PAK1: variants seen among roughly 807,000 people sequenced by gnomAD.
The protein encoded by PAK1 is p21 (RAC1) activated kinase 1.
In PAK1, 29 loss-of-function variants were observed where a neutral mutation model predicts 67.4. The observed-to-expected ratio is 0.43, with a 90% confidence interval of 0.32 to 0.59. The LOEUF is 0.59. PAK1 is among the 20% of genes least tolerant of loss of function. The pLI is 0.07. For missense variants in PAK1, 337 were observed against 670.7 expected, an observed-to-expected ratio of 0.50 and a Z score of 5.50; for synonymous variants, 223 against 237.4, an observed-to-expected ratio of 0.94 and a Z score of 0.56.
chr11:77,349,557 C>T (rs772422250), intron 8 of PAK1: 2 of 413,560 alleles, frequency 4.8e-6, no homozygotes, highest in African/African-American at 2.0e-5. Flanking sequence ...TATTTAACTT[C>T]TTTGAGCTTC....
chr11:77,514,081 T>G, the PAK1 span, among the ~76,000 whole-genome samples: 1 of 152,182 alleles, frequency 6.6e-6, no homozygotes, highest in Admixed American at 6.5e-5. Context: ...TTTGAACCCA[T>G]AATTTGGAGA....
chr11:77,331,546 A>C (rs1366905507), intron 14 of PAK1, among the ~76,000 whole-genome samples: 1 of 152,218 alleles, frequency 6.6e-6, no homozygotes, highest in Non-Finnish European at 1.5e-5. Context: ...CAAAAAACCA[A>C]ACACTGCATG....
intron 1 of PAK1, among the ~76,000 whole-genome samples, chr11:77,446,573 G>A (rs189526021): frequency 6.0e-5 from 9 of 150,508 alleles, no homozygotes; most frequent in Admixed American, 3.3e-4. Context: ...AATAGATGAT[G>A]GAGCTAAGAT....
intron 4 of PAK1, among the ~76,000 whole-genome samples, chr11:77,377,766 T>C (rs1456160659): frequency 6.6e-6 from 1 of 152,230 alleles, no homozygotes; most frequent in African/African-American, 2.4e-5. Context: ...ACTGAGGTTT[T>C]CAAAGACAGC....
chr11:77,374,372 A>G lies in PAK1; in HGVS notation c.440-7T>C, dbSNP rs1025680253. ...TAATCCTCAGCTGACTTATCTGCAC[A>G]GGAAGAAAAACAAGGGACTTAGTCA... On this transcript the variant is annotated splice_polypyrimidine_tract_variant and splice_region_variant and intron_variant, in intron 4 of 14. Transcript: ENST00000356341. 3.7e-5 allele frequency: 58 copies of G among 1,588,180 alleles called. No individual in the cohort carries two copies. In the African/African-American group the frequency reaches 6.3e-4, roughly 17 times the overall value.
At chr11:77,380,079 C>A in intron 2 of PAK1, 85 bp from the exon 3 acceptor site, 1 of 965,148 alleles carries the variant, frequency 1.0e-6, no homozygotes, top group South Asian at 1.5e-5. Context: ...GAGCTGTAGT[C>A]TCCTTGAGAG....
intron 2 of PAK1, among the ~76,000 whole-genome samples, chr11:77,389,846 G>C (rs768905761): frequency 2.0e-5 from 3 of 152,094 alleles, no homozygotes; most frequent in African/African-American, 4.8e-5. Context: ...AAACATAAAT[G>C]TTTTTAGTTT....
chr11:77,434,489 C>A (rs577380463), intron 1 of PAK1, among the ~76,000 whole-genome samples: 33 of 152,026 alleles, frequency 2.2e-4, no homozygotes, highest in Admixed American at 4.6e-4. Flanking sequence ...ATGTCACCCC[C>A]AGGCTGGAGA....
Position 77,333,433 on chromosome 11 carries a change from A to G in PAK1, c.1414-566T>C, listed in dbSNP as rs1942097653. On this transcript the variant is annotated intron_variant, in intron 13 of 14. Transcript: ENST00000356341. ...GGCTGGTCTCAAACTCCTAGACTCA[A>G]GTGATCCTCCTGCCTCAACCTCCCA... is the stretch of plus-strand genomic sequence containing the variant. Among the ~76,000 whole-genome samples the G allele has an allele frequency of 2.0e-5, 3 of 152,088 alleles. No homozygotes were observed. The South Asian group carries it at 6.2e-4, about 31-fold the overall frequency.
chr11:77,468,787 T>C (rs965437868), intron 1 of PAK1, among the ~76,000 whole-genome samples: 3 of 152,188 alleles, frequency 2.0e-5, no homozygotes, highest in African/African-American at 4.8e-5. Context: ...CAATATGTTA[T>C]AGTGGCAAAG....
rs549565083 is a variant in PAK1 at position 77,461,817 on chromosome 11, G to A, written c.-22+11735C>T. On this transcript the variant is annotated intron_variant, in intron 1 of 14. Transcript: ENST00000356341. Reference sequence around the variant, plus strand: ...TGTTAAGCTTTATTAGAATAGTGTGGCACTTTAAAGAAACCCATACTAATC... The same window carrying A: ...TGTTAAGCTTTATTAGAATAGTGTGACACTTTAAAGAAACCCATACTAATC... Among the ~76,000 whole-genome samples, 12 of 152,266 alleles carry A rather than the reference G, an allele frequency of 7.9e-5. 1 individual carries two copies. In the South Asian group the frequency reaches 2.5e-3, roughly 32 times the overall value.
At chr11:77,511,802 A>T in the PAK1 span, among the ~76,000 whole-genome samples, 1 of 152,058 alleles carries the variant, frequency 6.6e-6, no homozygotes, top group African/African-American at 2.4e-5. Flanking sequence ...TTTTGCATTG[A>T]CTCTATGTCC....
At chr11:77,392,751 C>G (rs1390851789) in intron 1 of PAK1, among the ~76,000 whole-genome samples, 1 of 152,160 alleles carries the variant, frequency 6.6e-6, no homozygotes, top group Non-Finnish European at 1.5e-5. Flanking sequence ...CAATATCTTG[C>G]TTTTCTTTGC....
At chr11:77,394,391 CT>C (rs1951564367) in intron 1 of PAK1, among the ~76,000 whole-genome samples, 1 of 151,974 alleles carries the variant, frequency 6.6e-6, no homozygotes, top group African/African-American at 2.4e-5. Context: ...AATACTACCG[CT>C]TTAGGCATCA....
At chr11:77,416,364 C>A (rs1415231013) in intron 1 of PAK1, among the ~76,000 whole-genome samples, 6 of 152,146 alleles carry the variant, frequency 3.9e-5, no homozygotes, top group African/African-American at 1.4e-4. Flanking sequence ...AAGGTCAGGA[C>A]TGTCAACATT....
chr11:77,381,175 G>A lies in PAK1; in HGVS notation c.191-1181C>T, dbSNP rs113446962. ...TGTGTGTGTGTGTGTGTGTGTGTGT[G>A]TAGAGAGAGAGAGAGAAAGAGAGAC... On this transcript the variant is annotated intron_variant, in intron 2 of 14. Transcript: ENST00000356341. 6.1e-3 allele frequency among the ~76,000 whole-genome samples: 758 copies of A among 123,998 alleles called. 7 individuals carry two copies. The highest frequency in any genetic ancestry group is 0.025 in the African/African-American group (707 of 28,772). 81.3% of individuals were successfully genotyped at this position (123,998 alleles called of 152,430 possible). A position where few individuals can be genotyped will look rare whatever the true frequency, so the allele number is the denominator to read the frequency against.
At chr11:77,328,754 G>A (rs1427683631) in intron 14 of PAK1, among the ~76,000 whole-genome samples, 1 of 152,148 alleles carries the variant, frequency 6.6e-6, no homozygotes, top group Non-Finnish European at 1.5e-5. Context: ...ACATTCAAAA[G>A]CTAGCAGAAG....
At chr11:77,412,961 A>ACTAGTAGTGCCT in intron 1 of PAK1, among the ~76,000 whole-genome samples, 1 of 152,320 alleles carries the variant, frequency 6.6e-6, no homozygotes, top group Admixed American at 6.5e-5. Flanking sequence ...CACGGCCCAG[A>ACTAGTAGTGCCT]CTAGTAGTGC....
intron 13 of PAK1, among the ~76,000 whole-genome samples, 197 bp downstream of exon 13, chr11:77,335,889 A>G (rs1942608372): frequency 6.6e-6 from 1 of 152,174 alleles, no homozygotes; most frequent in Non-Finnish European, 1.5e-5. Context: ...AGGGACTCAA[A>G]TAATTGTTGA....
Sources: gnomAD v4.1 joint callset for allele counts (sites outside exome capture counted in the v4.1 genomes callset) on GRCh38, gnomAD v4.1.1 for gene constraint, MANE v1.5 for transcripts, NCBI Gene and HGNC (gene_info 2026-07-23, HGNC 2026-07-21) for gene names.